Variants in CRPPA observed in about 807,000 individuals in gnomAD.
The protein encoded by CRPPA is D-ribitol-5-phosphate cytidylyltransferase.
CRPPA carries 43 observed loss-of-function variants against 52.0 expected under a neutral mutation model. That is an observed-to-expected ratio of 0.83 (90% CI 0.65 to 1.07). CRPPA has a LOEUF of 1.07. Among genes scored for constraint, CRPPA ranks in the 50% least tolerant of loss-of-function variants. CRPPA has a pLI of 0.00. For missense variants in CRPPA, 629 were observed against 551.7 expected (o/e 1.14, Z -1.40); for synonymous variants, 250 against 203.5 (o/e 1.23, Z -1.94).
chr7:16,389,926 A>AAAAAAAAAAAAAAAAAAAAT (rs1787395421), intron 2 of CRPPA, among the ~76,000 whole-genome samples: 1 of 55,032 alleles, frequency 1.8e-5, no homozygotes, highest in Admixed American at 2.3e-4. Context: ...AAAAAAAAAA[A>AAAAAAAAAAAAAAAAAAAAT]AAATATATAT....
intron 9 of CRPPA, among the ~76,000 whole-genome samples, chr7:16,201,378 C>G (rs1781851937): frequency 1.3e-5 from 2 of 152,084 alleles, no homozygotes; most frequent in South Asian, 4.1e-4. Flanking sequence ...CAGTCTTACT[C>G]TCTCTCAATT....
chr7:16,139,456 G>A (rs536439223), intron 9 of CRPPA, among the ~76,000 whole-genome samples: 5 of 151,092 alleles, frequency 3.3e-5, no homozygotes, highest in Admixed American at 6.6e-5. Flanking sequence ...TTGATATTAC[G>A]GGGGGTAAAG....
chr7:16,169,526 T>G (rs1781134458), intron 9 of CRPPA, among the ~76,000 whole-genome samples: 1 of 152,204 alleles, frequency 6.6e-6, no homozygotes, highest in African/African-American at 2.4e-5. Context: ...ATATTAAGTA[T>G]TCATAGGAGA....
intron 9 of CRPPA, among the ~76,000 whole-genome samples, chr7:16,133,157 A>C (rs1782708262): frequency 8.2e-6 from 1 of 122,182 alleles, no homozygotes; most frequent in African/African-American, 2.6e-5. Flanking sequence ...TCTACTAAAA[A>C]TAAAAAAAAG....
rs1053055118 is a variant in CRPPA at position 16,152,568 on chromosome 7, T to C, written c.1252-60769A>G. Among the ~76,000 whole-genome samples the C allele has an allele frequency of 2.6e-5, 4 of 152,022 alleles. No homozygotes were observed. In the South Asian group the frequency reaches 6.2e-4, roughly 24 times the overall value. ...TTCCATAAGTATTTATAAAATGAAT[T>C]AGTATTAGGACTGAAATGTTGTGAA... On this transcript the variant is annotated intron_variant, in intron 9 of 9. Coordinates refer to ENST00000407010, the MANE Select transcript of CRPPA (RefSeq NM_001101426.4).
intron 9 of CRPPA, among the ~76,000 whole-genome samples, chr7:16,191,123 T>C (rs1344867837): frequency 3.9e-5 from 6 of 152,154 alleles, no homozygotes; most frequent in African/African-American, 9.6e-5. Context: ...CTTTTTTGTA[T>C]AATGACTTCT....
In CRPPA at chr7:16,325,729, C is replaced by T. The variant is rs117469778; in HGVS notation, c.685-17102G>A. ...ATTTAAAATCTCCATAATGGCTCAT[C>T]ATCTGCTTGAACTGTGATGGAATCT... On this transcript the variant is annotated intron_variant, in intron 3 of 9. Transcript: ENST00000407010. Among the ~76,000 whole-genome samples, 8 of 152,050 alleles carry T rather than the reference C, an allele frequency of 5.3e-5. No homozygotes were observed. The East Asian group carries it at 5.8e-4, about 11-fold the overall frequency.
intron 9 of CRPPA, among the ~76,000 whole-genome samples, chr7:16,138,323 T>C (rs1329278204): frequency 6.6e-6 from 1 of 152,204 alleles, no homozygotes; most frequent in Non-Finnish European, 1.5e-5. Flanking sequence ...AGGATAGCAC[T>C]GGCAAAGGTA....
intron 9 of CRPPA, among the ~76,000 whole-genome samples, chr7:16,110,476 C>T (rs527634236): frequency 5.3e-5 from 8 of 151,954 alleles, no homozygotes; most frequent in Admixed American, 1.3e-4. Context: ...CAGCCACGAG[C>T]GAAAAGAGCC....
chr7:16,174,427 T>C (rs976514787), intron 9 of CRPPA, among the ~76,000 whole-genome samples: 1 of 152,180 alleles, frequency 6.6e-6, no homozygotes, highest in Non-Finnish European at 1.5e-5. Flanking sequence ...ACAAACGAGA[T>C]TGGCTGTATT....
In CRPPA at chr7:16,177,152, G is replaced by A. The variant is rs144281623; in HGVS notation, c.1251+38914C>T. Among the ~76,000 whole-genome samples the A allele has an allele frequency of 2.9e-3, 441 of 152,168 alleles. 4 individuals carry two copies. Among genetic ancestry groups the A allele is most frequent in the Admixed American group, 5.4e-3 (82 of 15,276 alleles). ...AATAGTTGGCAGGCTTTAGGGGTGGGGAGAAAGTATGACCAAAAAGAAACA... is the reference window on the plus strand; with the variant it reads ...AATAGTTGGCAGGCTTTAGGGGTGGAGAGAAAGTATGACCAAAAAGAAACA... On this transcript the variant is annotated intron_variant, in intron 9 of 9. Coordinates refer to ENST00000407010, the MANE Select transcript of CRPPA (RefSeq NM_001101426.4).
Position 16,255,204 on chromosome 7 carries a change from G to T in CRPPA, c.1119+3186C>A, listed in dbSNP as rs141144238. Reference sequence around the variant, plus strand: ...CTCCCATTCACAATTGCTACAAAGAGAATAAAATACCTAGGAATCCAACTT... The same window carrying T: ...CTCCCATTCACAATTGCTACAAAGATAATAAAATACCTAGGAATCCAACTT... On this transcript the variant is annotated intron_variant, in intron 8 of 9. Coordinates refer to ENST00000407010, the MANE Select transcript of CRPPA (RefSeq NM_001101426.4). 4.1e-4 allele frequency among the ~76,000 whole-genome samples: 62 copies of T among 152,146 alleles called. 1 individual carries two copies. In the East Asian group the frequency reaches 0.012, roughly 29 times the overall value.
intron 1 of CRPPA, among the ~76,000 whole-genome samples, chr7:16,414,995 T>C (rs982787872): frequency 2.0e-5 from 3 of 152,060 alleles, no homozygotes; most frequent in African/African-American, 7.3e-5. Flanking sequence ...TATACAAATA[T>C]ATCCACAAAC....
chr7:16,296,751 T>C (rs968528406), intron 5 of CRPPA, among the ~76,000 whole-genome samples: 1 of 152,154 alleles, frequency 6.6e-6, no homozygotes, highest in Admixed American at 6.5e-5. Context: ...AAAACAATTA[T>C]TTTGATTTGG....
chr7:16,281,126 C>T (rs943053328), intron 5 of CRPPA, among the ~76,000 whole-genome samples: 10 of 152,168 alleles, frequency 6.6e-5, no homozygotes, highest in Admixed American at 3.9e-4. Context: ...TAAATTTTTA[C>T]CATCATTTCC....
chr7:16,292,935 T>C (rs1784591471), intron 5 of CRPPA, among the ~76,000 whole-genome samples: 1 of 151,936 alleles, frequency 6.6e-6, no homozygotes, highest in African/African-American at 2.4e-5. Context: ...AAAATGGATG[T>C]AATCAGGGGT....
At chr7:16,411,600 A>G (rs1470326216) in intron 1 of CRPPA, among the ~76,000 whole-genome samples, 1 of 151,826 alleles carries the variant, frequency 6.6e-6, no homozygotes, top group Non-Finnish European at 1.5e-5. Flanking sequence ...TCAGTAATGA[A>G]CAAAGACTGA....
intron 8 of CRPPA, among the ~76,000 whole-genome samples, chr7:16,254,751 A>ACAC (rs1783568980): frequency 5.5e-5 from 7 of 126,982 alleles, no homozygotes; most frequent in East Asian, 4.7e-4. Flanking sequence ...GAAAGACAGA[A>ACAC]AGAAAGAAAG....
At chr7:16,187,463 A>G (rs999110379) in intron 9 of CRPPA, among the ~76,000 whole-genome samples, 2 of 152,210 alleles carry the variant, frequency 1.3e-5, no homozygotes, top group African/African-American at 2.4e-5. Flanking sequence ...AAAACAAAGG[A>G]ACTGGGACAT....
Sources: allele counts gnomAD v4.1 joint callset (sites outside exome capture counted in the v4.1 genomes callset), GRCh38; gene constraint gnomAD v4.1.1; transcripts MANE v1.5; gene names NCBI Gene and HGNC (gene_info 2026-07-23, HGNC 2026-07-21).